Variants in PTPRD observed in about 807,000 individuals in gnomAD.
The protein encoded by PTPRD is receptor-type tyrosine-protein phosphatase delta.
Under a neutral mutation model 214.5 loss-of-function variants are expected in PTPRD, and 34 were observed. The observed-to-expected ratio is 0.16, with a 90% confidence interval of 0.12 to 0.21. PTPRD has a LOEUF of 0.21. Ranked by LOEUF, PTPRD falls within the 10% of genes least tolerant of loss-of-function variation. PTPRD has a pLI of 1.00. For missense variants in PTPRD, 2,545 were observed against 2,398.7 expected (o/e 1.06, Z -1.27); for synonymous variants, 1,128 against 845.7 (o/e 1.33, Z -5.79).
intron 9 of PTPRD, among the ~76,000 whole-genome samples, chr9:9,387,005 A>T (rs924390733): frequency 6.6e-6 from 1 of 152,202 alleles, no homozygotes; most frequent in Admixed American, 6.5e-5. Flanking sequence ...AAATAACATA[A>T]CTTATTTAAC....
chr9:9,695,717 G>A (rs145263224), intron 7 of PTPRD, among the ~76,000 whole-genome samples: 138 of 152,230 alleles, frequency 9.1e-4, no homozygotes, highest in African/African-American at 2.9e-3. Context: ...TTTTGCATAT[G>A]TTTAACCATT....
At chr9:10,456,752 T>C (rs1702472595) in intron 2 of PTPRD, among the ~76,000 whole-genome samples, 1 of 151,956 alleles carries the variant, frequency 6.6e-6, no homozygotes, top group Non-Finnish European at 1.5e-5. Context: ...ATTTGTAGTC[T>C]ATTTTATACT....
rs1246109578 is a variant in PTPRD at position 8,317,114 on chromosome 9, TA to T, written c.*759del. 1.3e-5 allele frequency: 3 copies of T among 231,258 alleles called. No individual in the cohort carries two copies. The highest frequency in any genetic ancestry group is 6.7e-5 in the African/African-American group (3 of 44,872). The allele number at this position is 231,258 out of a possible 1,614,324, so 14.3% of individuals were successfully genotyped here. ...AATCAAAACTGAAGTGTAAAATTAA[TA>T]TATCTGACGAGACTGATACTGTAGA... On this transcript the variant is annotated 3_prime_UTR_variant, in exon 46 of 46. Coordinates refer to ENST00000381196, the MANE Select transcript of PTPRD (RefSeq NM_002839.4).
At chr9:9,249,079 G>T (rs751131732) in intron 9 of PTPRD, among the ~76,000 whole-genome samples, 12 of 152,068 alleles carry the variant, frequency 7.9e-5, no homozygotes, top group Non-Finnish European at 1.8e-4. Context: ...GAGGTGTTTG[G>T]GTAGTGGGGG....
chr9:8,571,797 C>A (rs924047517), intron 14 of PTPRD, among the ~76,000 whole-genome samples: 2 of 152,058 alleles, frequency 1.3e-5, no homozygotes, highest in Non-Finnish European at 2.9e-5. Context: ...AAATAAACTG[C>A]TCCTGGAGCT....
chr9:9,958,174 T>C (rs2094092884), intron 4 of PTPRD, among the ~76,000 whole-genome samples: 1 of 152,090 alleles, frequency 6.6e-6, no homozygotes, highest in Admixed American at 6.5e-5. Flanking sequence ...GGCAAGAAGT[T>C]TTCAGATACA....
rs576230925 is a variant in PTPRD at position 9,459,253 on chromosome 9, ATGGGGAAAAGCTGAAAGCAT to A, written c.-236-61791_-236-61772del. On this transcript the variant is annotated intron_variant, in intron 8 of 45. Transcript: ENST00000381196. ...CCAAGGAACCCATACATCATACTGA[ATGGGGAAAAGCTGAAAGCAT>A]TCCCACTAAGAACAGAAACAAGATA... is the stretch of plus-strand genomic sequence containing the variant. 3.1e-3 allele frequency among the ~76,000 whole-genome samples: 476 copies of A among 152,240 alleles called. 2 individuals carry two copies. Among genetic ancestry groups the A allele is most frequent in the Non-Finnish European group, 4.8e-3 (329 of 68,002 alleles).
intron 3 of PTPRD, among the ~76,000 whole-genome samples, chr9:10,182,463 A>G (rs1049321876): frequency 6.6e-6 from 1 of 152,004 alleles, no homozygotes; most frequent in African/African-American, 2.4e-5. Flanking sequence ...AAATTGAAAA[A>G]TATGATAAGT....
chr9:8,660,558 G>A (rs753523853), intron 12 of PTPRD, among the ~76,000 whole-genome samples: 31 of 152,104 alleles, frequency 2.0e-4, no homozygotes, highest in Non-Finnish European at 1.0e-4. Flanking sequence ...TATGCCTCCA[G>A]GATCCTCCCC....
chr9:10,118,254 A>T (rs187716685), intron 3 of PTPRD, among the ~76,000 whole-genome samples: 4 of 151,462 alleles, frequency 2.6e-5, no homozygotes, highest in African/African-American at 9.7e-5. Context: ...ATTATCTTAT[A>T]TCTATCTATA....
At chr9:10,546,044 C>G (rs1033896478) in intron 2 of PTPRD, among the ~76,000 whole-genome samples, 2 of 151,828 alleles carry the variant, frequency 1.3e-5, no homozygotes, top group Non-Finnish European at 2.9e-5. Context: ...TTCAGCAACT[C>G]TTATTCAGGA....
chr9:10,449,966 T>G lies in PTPRD; in HGVS notation c.-599-108949A>C, dbSNP rs1033838159. ...CCCCAACCCCGTGCTCTCTGAAACA[T>G]GTGCTGTGTCCACTCAGGGTTAAAT... On this transcript the variant is annotated intron_variant, in intron 2 of 45. Transcript: ENST00000381196. 1.3e-5 allele frequency among the ~76,000 whole-genome samples: 2 copies of G among 151,720 alleles called. 1 individual carries two copies. Among genetic ancestry groups the G allele is most frequent in the African/African-American group, 4.9e-5 (2 of 40,998 alleles).
At chr9:9,933,474 AC>A (rs1209832349) in intron 5 of PTPRD, among the ~76,000 whole-genome samples, 1 of 151,840 alleles carries the variant, frequency 6.6e-6, no homozygotes, top group Non-Finnish European at 1.5e-5. Context: ...ATCAAAAGAG[AC>A]AAAGAAGGCC....
At chr9:9,354,324 C>A (rs1443641132) in intron 9 of PTPRD, among the ~76,000 whole-genome samples, 1 of 151,714 alleles carries the variant, frequency 6.6e-6, no homozygotes, top group Non-Finnish European at 1.5e-5. Context: ...TCTACCACAA[C>A]AAAATAAAAT....
rs556799385 is a variant in PTPRD at position 8,364,936 on chromosome 9, G to A, written c.4661+11000C>T. Among the ~76,000 whole-genome samples, 5 of 152,188 alleles carry A rather than the reference G, an allele frequency of 3.3e-5. No individual in the cohort carries two copies. The East Asian group carries it at 9.7e-4, about 29-fold the overall frequency. On this transcript the variant is annotated intron_variant, in intron 39 of 45. Transcript: ENST00000381196. ...TAACACTTCCTCTCAATATACAGGT[G>A]CTTTCTGGTTATTTTCCTAATGCAT...
intron 3 of PTPRD, among the ~76,000 whole-genome samples, chr9:10,242,205 C>A (rs2091213492): frequency 6.6e-6 from 1 of 151,934 alleles, no homozygotes; most frequent in African/African-American, 2.4e-5. Flanking sequence ...ACTGGCTGCA[C>A]TGGAATAAGG....
intron 11 of PTPRD, among the ~76,000 whole-genome samples, chr9:8,981,881 T>C (rs368854483): frequency 2.0e-5 from 3 of 152,130 alleles, no homozygotes; most frequent in African/African-American, 7.2e-5. Flanking sequence ...AAAATAATGT[T>C]AAAAATCATT....
chr9:8,577,481 C>G (rs937965397), intron 14 of PTPRD, among the ~76,000 whole-genome samples: 2 of 152,060 alleles, frequency 1.3e-5, no homozygotes, highest in African/African-American at 2.4e-5. Context: ...TCTGGAACTC[C>G]CGACCTCAGG....
At chr9:8,692,324 T>A (rs2097825084) in intron 12 of PTPRD, among the ~76,000 whole-genome samples, 1 of 152,162 alleles carries the variant, frequency 6.6e-6, no homozygotes, top group Admixed American at 6.5e-5. Flanking sequence ...CCATGTAGAC[T>A]TAAAGACTCA....
Sources: allele counts gnomAD v4.1 joint callset (sites outside exome capture counted in the v4.1 genomes callset), GRCh38; gene constraint gnomAD v4.1.1; transcripts MANE v1.5; gene names NCBI Gene and HGNC (gene_info 2026-07-23, HGNC 2026-07-21).